PCDH11X: variants seen among roughly 807,000 people sequenced by gnomAD.
The protein encoded by PCDH11X is protocadherin-11 X-linked.
Under a neutral mutation model 53.3 loss-of-function variants are expected in PCDH11X, and 18 were observed. The ratio of observed to expected loss-of-function variants is 0.34; its 90% CI spans 0.23 to 0.50. The LOEUF (loss-of-function observed/expected upper bound fraction) is 0.50. Among genes scored for constraint, PCDH11X ranks in the 20% least tolerant of loss-of-function variants. PCDH11X has a pLI of 0.98. For missense variants in PCDH11X, 570 were observed against 1,032.4 expected, an observed-to-expected ratio of 0.55 and a Z score of 6.14; for synonymous variants, 279 against 393.3, an observed-to-expected ratio of 0.71 and a Z score of 3.44.
chrX:92,049,881 C>T (rs1325374486), intron 6 of PCDH11X, among the ~76,000 whole-genome samples: 1 of 111,523 alleles, frequency 9.0e-6, no homozygotes, highest in African/African-American at 3.3e-5. Flanking sequence ...TCAAGTGATT[C>T]TCCTGCCTCA....
chrX:92,365,737 T>G (rs1257861965), intron 8 of PCDH11X, among the ~76,000 whole-genome samples: 1 of 111,346 alleles, frequency 9.0e-6, no homozygotes, highest in African/African-American at 3.3e-5. Context: ...TCTATTGAGA[T>G]AATCATGTGG....
chrX:92,479,902 G>C lies in PCDH11X; in HGVS notation c.3367+11580G>C, dbSNP rs1374133818. On this transcript the variant is annotated intron_variant, in intron 10 of 10. Transcript: ENST00000682573. ...ATTTGATTCTTGGCTTGTATAGCTA[G>C]GTTGGGGAAGTGACCATGGATGATA... Among the ~76,000 whole-genome samples the C allele has an allele frequency of 3.6e-5, 4 of 111,224 alleles. No individual in the cohort carries two copies. In the East Asian group the frequency reaches 1.1e-3, roughly 32 times the overall value.
At chrX:92,375,760 A>T (rs956641123) in intron 8 of PCDH11X, among the ~76,000 whole-genome samples, 11 of 108,091 alleles carry the variant, frequency 1.0e-4, no homozygotes, top group Non-Finnish European at 3.8e-5. Context: ...AGTAGCTGGG[A>T]TTACAGGCAC....
At chrX:92,281,341 A>G (rs778543198) in intron 8 of PCDH11X, among the ~76,000 whole-genome samples, 1 of 112,122 alleles carries the variant, frequency 8.9e-6, no homozygotes, top group Non-Finnish European at 1.9e-5. Context: ...GCAAGCATTC[A>G]GAAAGTTGCA....
At chrX:92,341,600 G>A (rs1413585839) in intron 8 of PCDH11X, among the ~76,000 whole-genome samples, 1 of 110,968 alleles carries the variant, frequency 9.0e-6, no homozygotes, top group African/African-American at 3.3e-5. Context: ...CATGGCCAGG[G>A]CAGGAGCAAG....
chrX:91,839,064 T>C (rs1013382213), intron 5 of PCDH11X, among the ~76,000 whole-genome samples: 1 of 112,343 alleles, frequency 8.9e-6, no homozygotes, highest in African/African-American at 3.2e-5. Context: ...ATACATATAT[T>C]AATTTAGCTT....
chrX:92,146,076 G>A (rs1212756515), intron 6 of PCDH11X, among the ~76,000 whole-genome samples: 1 of 109,244 alleles, frequency 9.2e-6, no homozygotes, highest in East Asian at 2.9e-4. Flanking sequence ...ATAAAACCTA[G>A]GAGACATTCT....
chrX:92,422,519 C>T (rs2071994095), intron 9 of PCDH11X, among the ~76,000 whole-genome samples: 1 of 110,954 alleles, frequency 9.0e-6, no homozygotes, highest in African/African-American at 3.3e-5. Flanking sequence ...GAATAGTATT[C>T]CATGGTATAA....
At chrX:92,215,678 T>C (rs1475910032) in intron 7 of PCDH11X, among the ~76,000 whole-genome samples, 1 of 100,003 alleles carries the variant, frequency 1.0e-5, no homozygotes, top group African/African-American at 3.6e-5. Flanking sequence ...AATGTCCCTG[T>C]CTGACAGCTT....
intron 6 of PCDH11X, among the ~76,000 whole-genome samples, chrX:92,014,403 G>A (rs1441747490): frequency 1.8e-5 from 2 of 109,908 alleles, no homozygotes; most frequent in Non-Finnish European, 1.9e-5. Flanking sequence ...TGGAGAGGAT[G>A]TGGAGAAATA....
At chrX:92,218,872 G>A (rs1485368443) in intron 7 of PCDH11X, among the ~76,000 whole-genome samples, 2 of 111,362 alleles carry the variant, frequency 1.8e-5, no homozygotes, top group South Asian at 3.7e-4. Flanking sequence ...TTCATCCCTG[G>A]GATGCAAGGC....
intron 10 of PCDH11X, among the ~76,000 whole-genome samples, chrX:92,614,682 G>A (rs1467074574): frequency 9.3e-6 from 1 of 107,634 alleles, no homozygotes; most frequent in Non-Finnish European, 1.9e-5. Context: ...GTCCCCTGAT[G>A]TCAGGCACAA....
intron 6 of PCDH11X, among the ~76,000 whole-genome samples, chrX:92,107,661 C>G (rs1245080524): frequency 7.1e-5 from 8 of 112,423 alleles, no homozygotes; most frequent in Admixed American, 6.6e-4. Flanking sequence ...CGCTTGAACT[C>G]AAAGCCCCCA....
chrX:92,579,439 C>T (rs1923389118), intron 10 of PCDH11X, among the ~76,000 whole-genome samples: 2 of 108,305 alleles, frequency 1.8e-5, no homozygotes, highest in Admixed American at 1.0e-4. Context: ...AGGTTTTATT[C>T]ATTCCTTTTT....
In PCDH11X at chrX:92,618,397, G is replaced by A. The variant is rs1203930901; in HGVS notation, c.3501G>A (p.Gln1167=). The A allele has an allele frequency of 8.3e-7, 1 of 1,211,454 alleles. No homozygotes were observed. Among genetic ancestry groups the A allele is most frequent in the Admixed American group, 2.2e-5 (1 of 46,016 alleles). The change falls in exon 11 of 11, where the codon CAG becomes CAA. Residue 1167 remains glutamine, a synonymous_variant. Transcript: ENST00000682573. ...ATCATTCCAGCTCTTCGCAAGCACAGGCCTCTGCTCTATGCCACAGCCCAC... is the reference window on the plus strand; with the variant it reads ...ATCATTCCAGCTCTTCGCAAGCACAAGCCTCTGCTCTATGCCACAGCCCAC... ...SLDHSSSSQA[Q]ASALCHSPPL...
Position 91,908,984 on chromosome X carries a change from A to G in PCDH11X, c.3033+29711A>G, listed in dbSNP as rs779867903. ...CAACCCAGCAATCCCATTACTGGGC[A>G]TATACCCAAAGGAATATAAATTATT... is the stretch of plus-strand genomic sequence containing the variant. On this transcript the variant is annotated intron_variant, in intron 6 of 10. Coordinates refer to ENST00000682573, the MANE Select transcript of PCDH11X (RefSeq NM_032968.5). 6.3e-5 allele frequency among the ~76,000 whole-genome samples: 7 copies of G among 111,082 alleles called. No individual in the cohort carries two copies. In the East Asian group the frequency reaches 2.0e-3, roughly 32 times the overall value.
At chrX:91,824,080 C>T (rs1219898586) in intron 4 of PCDH11X, among the ~76,000 whole-genome samples, 6 of 111,259 alleles carry the variant, frequency 5.4e-5, no homozygotes, top group East Asian at 2.8e-4. Flanking sequence ...GAGGGTGACC[C>T]GACCTTTCTC....
chrX:92,054,193 A>G (rs2063406623), intron 6 of PCDH11X, among the ~76,000 whole-genome samples: 1 of 111,633 alleles, frequency 9.0e-6, no homozygotes, highest in Admixed American at 9.6e-5. Context: ...TCACTTACAA[A>G]TTGTAAATTT....
At chrX:92,178,332 T>A (rs909542258) in intron 6 of PCDH11X, among the ~76,000 whole-genome samples, 19 of 111,874 alleles carry the variant, frequency 1.7e-4, no homozygotes, top group African/African-American at 5.5e-4. Context: ...ATTATTTTCT[T>A]CTTTATACAT....
Sources: allele counts gnomAD v4.1 joint callset (sites outside exome capture counted in the v4.1 genomes callset), GRCh38; gene constraint gnomAD v4.1.1; transcripts MANE v1.5; gene names NCBI Gene and HGNC (gene_info 2026-07-23, HGNC 2026-07-21).